LIPC: variants seen among roughly 807,000 people sequenced by gnomAD.
LIPC encodes lipase C, hepatic type.
Under a neutral mutation model 50.7 loss-of-function variants are expected in LIPC, and 44 were observed. The ratio of observed to expected loss-of-function variants is 0.87; its 90% CI spans 0.68 to 1.11. LIPC has a LOEUF of 1.11. Among genes scored for constraint, LIPC ranks in the 50% most tolerant of loss-of-function variants. The pLI is 0.00. For missense variants in LIPC, 697 were observed against 648.2 expected (o/e 1.08, Z -0.82); for synonymous variants, 271 against 256.4 (o/e 1.06, Z -0.54).
intron 1 of LIPC, among the ~76,000 whole-genome samples, chr15:58,457,357 G>A (rs941950527): frequency 1.5e-4 from 23 of 152,292 alleles, no homozygotes; most frequent in Admixed American, 7.2e-4. Flanking sequence ...TGATCTGCCC[G>A]CTTCAGCCTC....
At chr15:58,513,377 A>G (rs1892391862) in intron 1 of LIPC, among the ~76,000 whole-genome samples, 1 of 152,216 alleles carries the variant, frequency 6.6e-6, no homozygotes, top group Non-Finnish European at 1.5e-5. Flanking sequence ...CCTTCCAAGC[A>G]CTTTGATGAT....
chr15:58,554,742 GGAA>G (rs1460656041), intron 6 of LIPC, among the ~76,000 whole-genome samples: 1 of 152,044 alleles, frequency 6.6e-6, no homozygotes, highest in Non-Finnish European at 1.5e-5. Context: ...AAGAGGAGGA[GGAA>G]GAAGAAGAAG....
chr15:58,465,126 C>T (rs547218095), intron 1 of LIPC, among the ~76,000 whole-genome samples: 2 of 152,138 alleles, frequency 1.3e-5, no homozygotes, highest in East Asian at 3.9e-4. Flanking sequence ...GTTTTGGGTT[C>T]CTATGTCTTA....
chr15:58,516,345 A>G (rs1447987279), intron 1 of LIPC, among the ~76,000 whole-genome samples: 4 of 140,488 alleles, frequency 2.8e-5, no homozygotes, highest in African/African-American at 8.0e-5. Flanking sequence ...ATCATTGATC[A>G]TCTTGGATCT....
intron 1 of LIPC, among the ~76,000 whole-genome samples, chr15:58,528,385 G>T (rs902326273): frequency 6.6e-6 from 1 of 152,154 alleles, no homozygotes; most frequent in East Asian, 1.9e-4. Context: ...ATCCTATAAG[G>T]TAGGTACTAC....
chr15:58,542,698 C>T (rs1340118095), intron 4 of LIPC, 47 bp downstream of exon 4: 1 of 1,280,806 alleles, frequency 7.8e-7, no homozygotes, highest in Non-Finnish European at 1.1e-6. Context: ...TCCATAGGGG[C>T]ATCCAACAAG....
At chr15:58,436,770 TGGA>T (rs1445073958) in intron 1 of LIPC, 1 of 456,090 alleles carries the variant, frequency 2.2e-6, no homozygotes, top group Non-Finnish European at 4.4e-6. Flanking sequence ...GAAGGCTTCT[TGGA>T]GGAGGCGGCA....
At chr15:58,471,333 G>GGGGC (rs1258663328) in intron 1 of LIPC, among the ~76,000 whole-genome samples, 3 of 138,140 alleles carry the variant, frequency 2.2e-5, no homozygotes, top group East Asian at 2.1e-4. Flanking sequence ...AGAGATGGGG[G>GGGGC]GGGGTGGTCT....
At chr15:58,562,293 A>G (rs1894192322) in intron 7 of LIPC, among the ~76,000 whole-genome samples, 4 of 152,212 alleles carry the variant, frequency 2.6e-5, no homozygotes, top group African/African-American at 9.6e-5. Flanking sequence ...CAGGGAAGCC[A>G]GAGATGGCCC....
intron 1 of LIPC, among the ~76,000 whole-genome samples, chr15:58,526,386 G>C (rs1405819927): frequency 6.6e-6 from 1 of 152,190 alleles, no homozygotes; most frequent in Non-Finnish European, 1.5e-5. Flanking sequence ...GCTCCTCGAG[G>C]TGCCTGATTC....
chr15:58,564,923 G>A (rs1478473026), intron 8 of LIPC, among the ~76,000 whole-genome samples: 13 of 152,004 alleles, frequency 8.6e-5, no homozygotes, highest in Non-Finnish European at 1.6e-4. Context: ...TTCAGGAAAC[G>A]GTCTCTCCTC....
intron 1 of LIPC, among the ~76,000 whole-genome samples, chr15:58,525,456 T>C (rs1436701783): frequency 6.6e-6 from 1 of 152,260 alleles, no homozygotes; most frequent in Non-Finnish European, 1.5e-5. Context: ...GGGGCTCTCC[T>C]TGCTCACTGT....
chr15:58,559,428 G>C (rs1197216518), intron 6 of LIPC, among the ~76,000 whole-genome samples: 4 of 152,184 alleles, frequency 2.6e-5, no homozygotes, highest in African/African-American at 4.8e-5. Flanking sequence ...TACGCAGCAA[G>C]TATTCCATAA....
chr15:58,446,424 C>G (rs565807132), intron 1 of LIPC, among the ~76,000 whole-genome samples: 2 of 152,258 alleles, frequency 1.3e-5, no homozygotes, highest in East Asian at 3.9e-4. Context: ...TTTATACTAT[C>G]CAATATCCAG....
At chr15:58,509,444 G>C (rs1299200740) in intron 1 of LIPC, among the ~76,000 whole-genome samples, 1 of 152,200 alleles carries the variant, frequency 6.6e-6, no homozygotes, top group Non-Finnish European at 1.5e-5. Context: ...TACTCTCTCT[G>C]AGTCTCAGGT....
At chr15:58,487,168 A>G (rs747085051) in intron 1 of LIPC, among the ~76,000 whole-genome samples, 16 of 152,348 alleles carry the variant, frequency 1.1e-4, no homozygotes, top group Non-Finnish European at 1.3e-4. Context: ...TGAGATTTTC[A>G]AAGGTGGTTC....
intron 1 of LIPC, among the ~76,000 whole-genome samples, chr15:58,439,273 G>A (rs140105628): frequency 0.013 from 2,003 of 152,244 alleles, 45 homozygotes; most frequent in African/African-American, 0.045. Context: ...CTGAACTTTT[G>A]TCTCTTCCCC....
chr15:58,507,481 T>C (rs1307378163), intron 1 of LIPC, among the ~76,000 whole-genome samples: 15 of 152,198 alleles, frequency 9.9e-5, no homozygotes, highest in Admixed American at 9.2e-4. Flanking sequence ...ATATCTACGA[T>C]TGAATTATTT....
chr15:58,487,356 A>C (rs1486910671), intron 1 of LIPC, among the ~76,000 whole-genome samples: 1 of 152,230 alleles, frequency 6.6e-6, no homozygotes, highest in Admixed American at 6.5e-5. Context: ...GAAGGTATGC[A>C]CAACAGTTAG....
Sources: gnomAD v4.1 joint callset for allele counts (sites outside exome capture counted in the v4.1 genomes callset) on GRCh38, gnomAD v4.1.1 for gene constraint, MANE v1.5 for transcripts, NCBI Gene and HGNC (gene_info 2026-07-23, HGNC 2026-07-21) for gene names.